The following KIF7 variants were observed in gnomAD, a reference collection of about 807,000 sequenced individuals.
KIF7 encodes the protein kinesin-like protein KIF7.
A neutral mutation model predicts 135.7 loss-of-function variants in KIF7; 104 were observed. The observed-to-expected ratio is 0.77, with a 90% confidence interval of 0.65 to 0.90. The LOEUF (loss-of-function observed/expected upper bound fraction) is 0.90, where lower values mean the gene tolerates loss of function less well. Ranked by LOEUF, KIF7 falls within the 40% of genes least tolerant of loss-of-function variation. The pLI is 0.00. For missense variants in KIF7, 2,005 were observed against 1,839.1 expected, an observed-to-expected ratio of 1.09 and a Z score of -1.65; for synonymous variants, 883 against 809.4, an observed-to-expected ratio of 1.09 and a Z score of -1.54.
In KIF7 at chr15:89,652,609, T is replaced by C; in HGVS notation, c.322A>G (p.Ser108Gly). 6.6e-7 allele frequency: 1 copy of C among 1,523,118 alleles called. No individual in the cohort carries two copies. Among genetic ancestry groups the C allele is most frequent in the Non-Finnish European group, 8.9e-7 (1 of 1,126,466 alleles). 94.4% of individuals were successfully genotyped at this position (1,523,118 alleles called of 1,614,324 possible). The change falls in exon 2 of 19, where the codon AGT (serine) becomes GGT (glycine). Residue 108 changes from serine (S) to glycine (G), a missense_variant. Transcript: ENST00000394412. ...CACGAACAGGGTCACTCACCCACAC[T>C]GGCCTCCCCCATGGTGTATGTCTTC... is the stretch of plus-strand genomic sequence containing the variant. ...SGKTYTMGEA[S>G]VASLLEDEQG...
In KIF7 at chr15:89,652,721, C is replaced by A. The variant is rs1165306867; in HGVS notation, c.210G>T (p.Val70=). 1 of 1,551,792 alleles carries A rather than the reference C, an allele frequency of 6.4e-7. No individual in the cohort carries two copies. The highest frequency in any genetic ancestry group is 2.4e-5 in the East Asian group (1 of 40,926). The change falls in exon 2 of 19, where the codon GTG becomes GTT. Residue 70 remains valine (V), a synonymous_variant. Coordinates refer to ENST00000394412, the MANE Select transcript of KIF7 (RefSeq NM_198525.3). ...VLAEDAGQEA[V]YQACVQPLLE... ...GGAGGGGCTGAACGCAGGCCTGGTA[C>A]ACGGCCTCCTGCCCCGCATCCTCGG...
In KIF7 at chr15:89,648,582, C is replaced by T; in HGVS notation, c.1116G>A (p.Ala372=). Reference sequence around the variant, plus strand: ...CGGAGCGGTGCCGTGGCGGACCCCGCGCGCCGCTCGCCGTCTCTTCGGGTG... The same window carrying T: ...CGGAGCGGTGCCGTGGCGGACCCCGTGCGCCGCTCGCCGTCTCTTCGGGTG... ...ERPPEETASG[A]RGPPRHRSET... is the part of the protein sequence containing the mutation. The change falls in exon 5 of 19, where the codon GCG becomes GCA. Residue 372 remains alanine (A), a synonymous_variant. Transcript: ENST00000394412. The T allele has an allele frequency of 6.6e-7, 1 of 1,513,764 alleles. No homozygotes were observed. 93.8% of individuals were successfully genotyped at this position (1,513,764 alleles called of 1,614,324 possible). A position where few individuals can be genotyped will look rare whatever the true frequency, so the allele number is the denominator to read the frequency against.
At chr15:89,654,095 T>C (rs11632802) in intron 1 of KIF7, among the ~76,000 whole-genome samples, 86,312 of 151,936 alleles carry the variant, frequency 0.57, 25,035 homozygotes, top group Non-Finnish European at 0.6. Context: ...CTGCAAGCTC[T>C]GCCTCCTGGG....
intron 1 of KIF7, among the ~76,000 whole-genome samples, chr15:89,621,104 C>T (rs530073632): frequency 6.6e-6 from 1 of 151,830 alleles, no homozygotes; most frequent in East Asian, 1.9e-4. Context: ...ACTGCAACCT[C>T]CACCTCCTGG....
rs1964094331 is a variant in KIF7, at chr15:89,649,792, C to T, written c.478G>A (p.Gly160Ser). 1 of 1,551,698 alleles carries T rather than the reference C, an allele frequency of 6.4e-7. No homozygotes were observed. The highest frequency in any genetic ancestry group is 2.4e-5 in the East Asian group (1 of 40,936). ...KEEFRDLLEV[G>S]TASRDIQLRE... is the part of the protein sequence containing the mutation. ...AGCTGGATGTCACGGCTGGCAGTGC[C>T]CACCTCGAGCAGGTCTCGGAACTCC... is the stretch of plus-strand genomic sequence containing the variant. Residue 160 changes from glycine to serine, a missense_variant, in exon 3 of 19, where the codon GGC (glycine) becomes AGC (serine). Coordinates refer to ENST00000394412, the MANE Select transcript of KIF7 (RefSeq NM_198525.3).
intron 1 of KIF7, chr15:89,621,542 G>C (rs1393099452): frequency 3.1e-6 from 5 of 1,610,602 alleles, no homozygotes; most frequent in African/African-American, 1.3e-5. Context: ...GGTACCTGCA[G>C]CTTACCAGGT....
In KIF7 at chr15:89,648,963, G is replaced by GGGCA; in HGVS notation, c.923+7_923+10dup. 2.6e-6 allele frequency: 4 copies of GGGCA among 1,527,656 alleles called. No homozygotes were observed. The South Asian group carries it at 4.8e-5, about 19-fold the overall frequency. The allele number at this position is 1,527,656 out of a possible 1,614,324, so 94.6% of individuals were successfully genotyped here. On this transcript the variant is annotated intron_variant, in intron 4 of 18. Coordinates refer to ENST00000394412, the MANE Select transcript of KIF7 (RefSeq NM_198525.3). ...GCCCCCAGGCCACATAGGAGCCAGG[G>GGGCA]GGCAGCTCACCGGGTGATCTTGGAG...
intron 2 of KIF7, chr15:89,618,028 C>T (rs1312439927): frequency 7.2e-6 from 7 of 974,754 alleles, no homozygotes; most frequent in Non-Finnish European, 1.1e-5. Flanking sequence ...GAGCCCTTTA[C>T]CAGCACTGGT....
the KIF7 span, among the ~76,000 whole-genome samples, chr15:89,661,410 G>T: frequency 6.6e-6 from 1 of 152,112 alleles, no homozygotes; most frequent in African/African-American, 2.4e-5. Context: ...AAAAGCAAGG[G>T]AATGAGAAAC....
Position 89,648,491 on chromosome 15 carries a change from T to C in KIF7, c.1207A>G (p.Met403Val). The stretch of plus-strand genomic sequence containing the variant: ...CGCGCGCACTCGGCGCCCAGGCGCA[T>C]GGCGGCCGCCGCGGAGGCGGTGGCT... ...GPATASAAAA[M>V]RLGAECARYR... Residue 403 changes from methionine (M) to valine (V), a missense_variant, in exon 5 of 19, where the codon ATG becomes GTG. Physicochemically the swap from Met to Val is conservative, Grantham distance 21 (BLOSUM62 1). Transcript: ENST00000394412. 1.9e-6 allele frequency: 2 copies of C among 1,041,588 alleles called. No homozygotes were observed. The highest frequency in any genetic ancestry group is 2.3e-6 in the Non-Finnish European group (2 of 865,904). 64.5% of individuals were successfully genotyped at this position (1,041,588 alleles called of 1,614,324 possible).
chr15:89,647,584 C>T lies in KIF7; in HGVS notation c.1560+12G>A, dbSNP rs527643414. 1.2e-6 allele frequency: 2 copies of T among 1,606,792 alleles called. No individual in the cohort carries two copies. The highest frequency in any genetic ancestry group is 1.7e-6 in the Non-Finnish European group (2 of 1,176,164). On this transcript the variant is annotated intron_variant, in intron 6 of 18. Transcript: ENST00000394412. The stretch of plus-strand genomic sequence containing the variant: ...GGGAAGCCTTCCCCGCACTGTGAAG[C>T]GGGCGCCGCACCTGCAGTTTGTACT...
rs1256335390 is a variant in KIF7, at chr15:89,631,484, C to T, written c.3111+11G>A. On this transcript the variant is annotated intron_variant, in intron 15 of 18. Coordinates refer to ENST00000394412, the MANE Select transcript of KIF7 (RefSeq NM_198525.3). ...GGCACCAAGGGGCTGAGCCATGGGG[C>T]CGCAGGGTACCTCGGGGGACAGCAG... The T allele has an allele frequency of 2.9e-5, 45 of 1,559,944 alleles. No homozygotes were observed. The highest frequency in any genetic ancestry group is 3.8e-5 in the Non-Finnish European group (44 of 1,152,242).
chr15:89,648,776 T>C lies in KIF7; in HGVS notation c.924-2A>G. ...CCGCCCAGCGAGTCTTTGAGGATCCTGAGGGCGCGAGGGGGAGGCTCTCAG... is the reference window on the plus strand; with the variant it reads ...CCGCCCAGCGAGTCTTTGAGGATCCCGAGGGCGCGAGGGGGAGGCTCTCAG... On this transcript the variant is annotated splice_acceptor_variant, in intron 4 of 18. Transcript: ENST00000394412. LOFTEE classifies it high-confidence loss of function. The C allele has an allele frequency of 6.5e-7, 1 of 1,532,116 alleles. No homozygotes were observed. Among genetic ancestry groups the C allele is most frequent in the Non-Finnish European group, 8.7e-7 (1 of 1,143,318 alleles). The allele number at this position is 1,532,116 out of a possible 1,614,324, so 94.9% of individuals were successfully genotyped here. A position where few individuals can be genotyped will look rare whatever the true frequency, so the allele number is the denominator to read the frequency against.
rs759306714 is a variant in KIF7 at position 89,618,270 on chromosome 15, T to C, written c.181-75A>G. ...TACCCAGCTTCTATGAAAACCTTTCTGTATGTATTGTTACTTGGCATATCC... is the reference window on the plus strand; with the variant it reads ...TACCCAGCTTCTATGAAAACCTTTCCGTATGTATTGTTACTTGGCATATCC... On this transcript the variant is annotated intron_variant and NMD_transcript_variant, in intron 1 of 2. Coordinates refer to the KIF7 transcript ENST00000558928. The C allele has an allele frequency of 4.3e-5, 63 of 1,469,460 alleles. 1 individual carries two copies. The highest frequency in any genetic ancestry group is 2.5e-4 in the Admixed American group (15 of 59,736). 91.0% of individuals were successfully genotyped at this position (1,469,460 alleles called of 1,614,324 possible).
downstream of KIF7, chr15:89,624,575 A>T (rs143531730): frequency 2.7e-5 from 44 of 1,613,782 alleles, 1 homozygote; most frequent in Middle Eastern, 4.9e-4. Context: ...GACTCTAGAG[A>T]TGACCAGAAG....
chr15:89,625,327 C>T, downstream of KIF7: 1 of 1,614,088 alleles, frequency 6.2e-7, no homozygotes, highest in Non-Finnish European at 8.5e-7. Flanking sequence ...ATCCCCCAAG[C>T]ACAGTGGGAA....
In KIF7 at chr15:89,642,361, G is replaced by C. The variant is rs141867330; in HGVS notation, c.2236C>G (p.Arg746Gly). The change falls in exon 11 of 19, where the codon CGG (arginine) becomes GGG (glycine). Residue 746 changes from arginine to glycine, a missense_variant. Arg to Gly is a moderately radical substitution (Grantham distance 125). Coordinates refer to ENST00000394412, the MANE Select transcript of KIF7 (RefSeq NM_198525.3). ...TGCTCTGCCTCCTGCTCCAGCTCCC[G>C]GATACGCTGGCTGTGCTGGCGGTTC... ...ALNRQHSQRI[R>G]ELEQEAEQVR... The C allele has an allele frequency of 4.0e-5, 65 of 1,609,604 alleles. No homozygotes were observed. In the African/African-American group the frequency reaches 8.5e-4, roughly 21 times the overall value.
intron 10 of KIF7, among the ~76,000 whole-genome samples, chr15:89,643,081 C>CAT (rs60508235): frequency 0.54 from 82,298 of 151,810 alleles, 22,570 homozygotes; most frequent in Non-Finnish European, 0.59. Context: ...AAACCCCAAA[C>CAT]GTGGGGTTTG....
At chr15:89,647,499 C>A in intron 6 of KIF7, 97 bp downstream of exon 6, 1 of 1,085,968 alleles carries the variant, frequency 9.2e-7, no homozygotes, top group East Asian at 2.4e-5. Flanking sequence ...CCCGCAGTAC[C>A]CTACCCTAAC....
Sources: allele counts gnomAD v4.1 joint callset (sites outside exome capture counted in the v4.1 genomes callset), GRCh38; gene constraint gnomAD v4.1.1; transcripts MANE v1.5; gene names NCBI Gene and HGNC (gene_info 2026-07-23, HGNC 2026-07-21).